The following CALN1 variants were observed in gnomAD, a reference collection of about 807,000 sequenced individuals.
The protein encoded by CALN1 is calcium-binding protein 8.
Under a neutral mutation model 30.6 loss-of-function variants are expected in CALN1, and 17 were observed. That is an observed-to-expected ratio of 0.56 (90% CI 0.38 to 0.83). CALN1 has a LOEUF of 0.83. CALN1 is among the 40% of genes least tolerant of loss of function. CALN1 has a pLI of 0.00. For synonymous variants in CALN1, 156 were observed against 131.4 expected, an observed-to-expected ratio of 1.19 and a Z score of -1.28; for missense variants, 291 against 354.9, an observed-to-expected ratio of 0.82 and a Z score of 1.45.
At chr7:72,295,080 G>A (rs2129555213) in intron 2 of CALN1, among the ~76,000 whole-genome samples, 1 of 151,908 alleles carries the variant, frequency 6.6e-6, no homozygotes, top group Admixed American at 6.6e-5. Flanking sequence ...GCAGATGATG[G>A]GTGCACCCAA....
At chr7:72,401,370 C>T (rs377183845) in intron 2 of CALN1, among the ~76,000 whole-genome samples, 9 of 152,272 alleles carry the variant, frequency 5.9e-5, no homozygotes, top group Middle Eastern at 6.8e-3. Flanking sequence ...TGGCCCCACC[C>T]GATCCCCTGC....
Position 72,400,389 on chromosome 7 carries a change from G to A in CALN1, c.119+2862C>T, listed in dbSNP as rs1005425418. Among the ~76,000 whole-genome samples the A allele has an allele frequency of 8.5e-5, 13 of 152,116 alleles. 1 individual carries two copies. The highest frequency in any genetic ancestry group is 7.9e-4 in the Admixed American group (12 of 15,268). On this transcript the variant is annotated intron_variant, in intron 2 of 6. Transcript: ENST00000395275. ...ATTTGACAGGAATCATCTTCATATG[G>A]ACAGAGAAACCCAAGAGACTTAGCT...
At chr7:71,818,511 G>A (rs1298422616) in intron 5 of CALN1, among the ~76,000 whole-genome samples, 1 of 151,892 alleles carries the variant, frequency 6.6e-6, no homozygotes, top group Non-Finnish European at 1.5e-5. Context: ...AAGCTTAATT[G>A]TATTTTGTTT....
chr7:72,306,550 T>TA, intron 2 of CALN1, among the ~76,000 whole-genome samples: 1 of 151,800 alleles, frequency 6.6e-6, no homozygotes, highest in Middle Eastern at 3.4e-3. Context: ...CACCTGGCCT[T>TA]CCAATCTGTA....
At chr7:71,900,758 C>G (rs1425970687) in intron 5 of CALN1, among the ~76,000 whole-genome samples, 1 of 152,164 alleles carries the variant, frequency 6.6e-6, no homozygotes, top group African/African-American at 2.4e-5. Flanking sequence ...GTCCCAAAGG[C>G]TGAGCAGGCA....
chr7:71,999,083 T>C (rs937971205), intron 5 of CALN1, among the ~76,000 whole-genome samples: 2 of 152,224 alleles, frequency 1.3e-5, no homozygotes, highest in Non-Finnish European at 2.9e-5. Context: ...AATTTTATGC[T>C]GTTTACAAGA....
At chr7:71,799,645 T>G (rs1018654910) in intron 6 of CALN1, among the ~76,000 whole-genome samples, 1 of 151,988 alleles carries the variant, frequency 6.6e-6, no homozygotes, top group Non-Finnish European at 1.5e-5. Flanking sequence ...TTTATTTCTT[T>G]TTGTATTTTT....
chr7:72,410,720 A>G (rs34457966), intron 1 of CALN1, among the ~76,000 whole-genome samples: 11,103 of 152,258 alleles, frequency 0.073, 450 homozygotes, highest in African/African-American at 0.097. Context: ...ATTAACATTG[A>G]AAATCAGAGT....
At chr7:72,328,367 G>A (rs1801430364) in intron 2 of CALN1, among the ~76,000 whole-genome samples, 1 of 152,232 alleles carries the variant, frequency 6.6e-6, no homozygotes, top group Admixed American at 6.5e-5. Flanking sequence ...TTTACAAATG[G>A]GAGCTCCCCT....
the CALN1 span, among the ~76,000 whole-genome samples, chr7:72,496,174 G>A: frequency 8.6e-5 from 13 of 152,010 alleles, no homozygotes; most frequent in African/African-American, 2.7e-4. Context: ...CACCTGCCTC[G>A]GCCTCCCAAA....
chr7:72,011,473 C>A (rs1056789397), intron 5 of CALN1, among the ~76,000 whole-genome samples: 3 of 152,174 alleles, frequency 2.0e-5, no homozygotes, highest in African/African-American at 7.2e-5. Context: ...CCCTGAAGCA[C>A]AGGAAGACCC....
intron 2 of CALN1, among the ~76,000 whole-genome samples, chr7:72,291,649 G>C (rs1024374449): frequency 6.6e-6 from 1 of 152,184 alleles, no homozygotes; most frequent in Non-Finnish European, 1.5e-5. Flanking sequence ...TGCTGGGCCA[G>C]TGTGGAGACT....
At chr7:72,238,400 GAATT>G (rs1361056706) in intron 3 of CALN1, among the ~76,000 whole-genome samples, 1 of 151,962 alleles carries the variant, frequency 6.6e-6, no homozygotes, top group Non-Finnish European at 1.5e-5. Flanking sequence ...TTTATTGAAT[GAATT>G]ATTTAATGAG....
rs35793572 is a variant in CALN1 at position 71,861,777 on chromosome 7, CAAAAAAAAAAA to C, written c.502-51296_502-51286del. Among the ~76,000 whole-genome samples the C allele has an allele frequency of 2.0e-4, 15 of 74,708 alleles. No individual in the cohort carries two copies. In the South Asian group the frequency reaches 2.3e-3, roughly 11 times the overall value. The allele number at this position is 74,708 out of a possible 152,430, so 49.0% of individuals were successfully genotyped here. ...ATGGGTGAAAGAGTGCAACTCTATC[CAAAAAAAAAAA>C]AAAAAAAAAAAAGAGAGAGAGAGTA... On this transcript the variant is annotated intron_variant, in intron 5 of 6. Transcript: ENST00000395275.
chr7:72,356,177 G>A (rs1403885647), intron 2 of CALN1, among the ~76,000 whole-genome samples: 1 of 152,128 alleles, frequency 6.6e-6, no homozygotes, highest in Non-Finnish European at 1.5e-5. Flanking sequence ...TAAAAGGAAA[G>A]AATTGCTATA....
chr7:72,054,438 T>TATATATACATACAC (rs71092943), intron 4 of CALN1, among the ~76,000 whole-genome samples: 1 of 48,944 alleles, frequency 2.0e-5, no homozygotes, highest in Non-Finnish European at 4.1e-5. Context: ...TACACGTATA[T>TATATATACATACAC]ATATATATAC....
rs939265191 is a variant in CALN1 at position 72,373,605 on chromosome 7, T to C, written c.119+29646A>G. ...CAACTATAGGCTAATATAAGTTTTC[T>C]GAAGATATTTTAGGTAAACTAGGCT... is the stretch of plus-strand genomic sequence containing the variant. On this transcript the variant is annotated intron_variant, in intron 2 of 6. Transcript: ENST00000395275. Among the ~76,000 whole-genome samples the C allele has an allele frequency of 2.0e-5, 3 of 152,228 alleles. No individual in the cohort carries two copies. In the East Asian group the frequency reaches 5.8e-4, roughly 29 times the overall value.
intron 4 of CALN1, among the ~76,000 whole-genome samples, chr7:72,099,841 AG>A (rs1192598463): frequency 1.3e-5 from 2 of 152,238 alleles, no homozygotes; most frequent in African/African-American, 4.8e-5. Flanking sequence ...TTTTTGTTAA[AG>A]GAACAAATAG....
chr7:72,256,518 C>G (rs525723), intron 3 of CALN1, among the ~76,000 whole-genome samples: 2,012 of 152,222 alleles, frequency 0.013, 41 homozygotes, highest in African/African-American at 0.046. Flanking sequence ...AAAAGATGAC[C>G]AAAATTCTGG....
Sources: gnomAD v4.1 joint callset for allele counts (sites outside exome capture counted in the v4.1 genomes callset) on GRCh38, gnomAD v4.1.1 for gene constraint, MANE v1.5 for transcripts, NCBI Gene and HGNC (gene_info 2026-07-23, HGNC 2026-07-21) for gene names.